ACCSL: variants seen among roughly 807,000 people sequenced by gnomAD.
ACCSL encodes 1-aminocyclopropane-1-carboxylate synthase homolog (inactive) like.
ACCSL carries 55 observed loss-of-function variants against 61.7 expected under a neutral mutation model. The ratio of observed to expected loss-of-function variants is 0.89; its 90% CI spans 0.72 to 1.12. The LOEUF (loss-of-function observed/expected upper bound fraction) is 1.12, where lower values mean the gene tolerates loss of function less well. ACCSL is among the 50% of genes most tolerant of loss of function. The probability of loss-of-function intolerance (pLI) is 0.00; values close to 1 mark genes in which losing one functional copy is unlikely to be tolerated. For synonymous variants in ACCSL, 258 were observed against 264.3 expected, an observed-to-expected ratio of 0.98 and a Z score of 0.23; for missense variants, 632 against 698.0, an observed-to-expected ratio of 0.91 and a Z score of 1.07.
chr11:44,058,773 C>G lies in ACCSL; in HGVS notation c.1624+74C>G, dbSNP rs533013372. 2.0e-5 allele frequency: 30 copies of G among 1,498,740 alleles called. No individual in the cohort carries two copies. The African/African-American group carries it at 2.4e-4, about 12-fold the overall frequency. 92.8% of individuals were successfully genotyped at this position (1,498,740 alleles called of 1,614,324 possible). On this transcript the variant is annotated intron_variant, in intron 13 of 13. Coordinates refer to ENST00000378832, the MANE Select transcript of ACCSL (RefSeq NM_001031854.2). Reference sequence around the variant, plus strand: ...ATATGTCAATCTTCTCCCCCACCCCCCTTAAACATCCTATAGATCTAGCCC... The same window carrying G: ...ATATGTCAATCTTCTCCCCCACCCCGCTTAAACATCCTATAGATCTAGCCC...
In ACCSL at chr11:44,059,965, G is replaced by C; in HGVS notation, c.*45G>C. On this transcript the variant is annotated 3_prime_UTR_variant, in exon 14 of 14. Transcript: ENST00000378832. Reference sequence around the variant, plus strand: ...GCAGTTCCAGCCCATCACTTGCTCAGGGACCCCCTAATGTCAGCCTCTGGC... The same window carrying C: ...GCAGTTCCAGCCCATCACTTGCTCACGGACCCCCTAATGTCAGCCTCTGGC... 1.3e-6 allele frequency: 2 copies of C among 1,575,090 alleles called. No individual in the cohort carries two copies. The highest frequency in any genetic ancestry group is 1.7e-6 in the Non-Finnish European group (2 of 1,146,342).
At chr11:43,965,398 G>T in the ACCSL span, among the ~76,000 whole-genome samples, 1 of 152,110 alleles carries the variant, frequency 6.6e-6, no homozygotes, top group African/African-American at 2.4e-5. Flanking sequence ...TAACCAAGGT[G>T]GTTGTAAGAC....
At chr11:44,008,300 C>T in the ACCSL span, among the ~76,000 whole-genome samples, 10 of 152,136 alleles carry the variant, frequency 6.6e-5, no homozygotes, top group South Asian at 2.1e-4. Context: ...CCCTGGGATG[C>T]GACCAAATTG....
Position 44,053,035 on chromosome 11 carries a change from G to A in ACCSL, c.915G>A (p.Lys305=), listed in dbSNP as rs763043741. 2.5e-6 allele frequency: 4 copies of A among 1,614,102 alleles called. No individual in the cohort carries two copies. The East Asian group carries it at 8.9e-5, about 36-fold the overall frequency. ...ATCCTTTCCAGCTCACTGTGGACAA[G>A]TTAGAGGAAGCCCTGCTTGAAGCTA... ...NTHPFQLTVD[K]LEEALLEARL... The change falls in exon 7 of 14, where the codon AAG becomes AAA. Residue 305 remains lysine, a synonymous_variant. Transcript: ENST00000378832.
chr11:44,051,553 C>T lies in ACCSL; in HGVS notation c.706-100C>T, dbSNP rs183055423. ...GGCCAATGTGTCCCAACTGAGGAGG[C>T]TCCCTGTGCCTGTTCTGCCCAGGGG... On this transcript the variant is annotated intron_variant, in intron 4 of 13. Transcript: ENST00000378832. The T allele has an allele frequency of 1.7e-3, 2,637 of 1,549,296 alleles. 26 individuals carry two copies. Among genetic ancestry groups the T allele is most frequent in the South Asian group, 0.016 (1,398 of 89,468 alleles).
chr11:43,957,632 C>T, the ACCSL span, among the ~76,000 whole-genome samples: 6 of 152,284 alleles, frequency 3.9e-5, no homozygotes, highest in South Asian at 1.2e-3. Context: ...CAAAATATGA[C>T]AAAGAACTAT....
the ACCSL span, among the ~76,000 whole-genome samples, chr11:43,964,640 G>T: frequency 3.3e-5 from 5 of 152,070 alleles, no homozygotes; most frequent in Non-Finnish European, 5.9e-5. Context: ...CAAAGCCAAA[G>T]ACACCAAAAG....
At chr11:44,024,551 A>T in the ACCSL span, among the ~76,000 whole-genome samples, 1 of 150,194 alleles carries the variant, frequency 6.7e-6, no homozygotes, top group East Asian at 2.0e-4. Context: ...ATTTCATTCA[A>T]TTGTGGTCAG....
chr11:44,012,380 G>GA, the ACCSL span, among the ~76,000 whole-genome samples: 2 of 151,758 alleles, frequency 1.3e-5, no homozygotes, highest in Non-Finnish European at 2.9e-5. Context: ...TCCGCCTCCC[G>GA]TGTTCAAGCA....
chr11:44,015,186 T>C, the ACCSL span, among the ~76,000 whole-genome samples: 1 of 152,232 alleles, frequency 6.6e-6, no homozygotes, highest in East Asian at 1.9e-4. Flanking sequence ...CCAAGTCCTT[T>C]GGCAGGCATG....
chr11:44,050,522 T>C (rs766042492), intron 2 of ACCSL, 30 bp from the exon 3 acceptor site: 2 of 1,610,294 alleles, frequency 1.2e-6, no homozygotes, highest in Non-Finnish European at 1.7e-6. Context: ...TTCCCTGGCC[T>C]ACCTGTCTTC....
chr11:44,001,718 C>G, the ACCSL span, among the ~76,000 whole-genome samples: 197 of 149,630 alleles, frequency 1.3e-3, 2 homozygotes, highest in African/African-American at 4.8e-3. Flanking sequence ...AGGAGGCCAG[C>G]CTTTGCCTGG....
chr11:44,050,506 T>C (rs908654307), intron 2 of ACCSL, 46 bp from the exon 3 acceptor site: 37 of 1,585,466 alleles, frequency 2.3e-5, no homozygotes, highest in Non-Finnish European at 2.8e-5. Context: ...ATGAGGCCTC[T>C]TGAACTTCCC....
At chr11:43,972,320 A>T in the ACCSL span, among the ~76,000 whole-genome samples, 2 of 152,204 alleles carry the variant, frequency 1.3e-5, no homozygotes, top group Admixed American at 1.3e-4. Context: ...CATGTCACCC[A>T]CTGCCCCTCA....
At chr11:43,930,637 G>A in the ACCSL span, among the ~76,000 whole-genome samples, 1 of 152,240 alleles carries the variant, frequency 6.6e-6, no homozygotes, top group East Asian at 1.9e-4. Context: ...GCAGATGCTA[G>A]TGCTGTGCTT....
At chr11:43,983,198 A>T in the ACCSL span, among the ~76,000 whole-genome samples, 2 of 152,206 alleles carry the variant, frequency 1.3e-5, no homozygotes, top group Non-Finnish European at 2.9e-5. Flanking sequence ...CTCTCAAGGA[A>T]CTTGAGAGAG....
the ACCSL span, among the ~76,000 whole-genome samples, chr11:43,947,810 A>T: frequency 3.9e-5 from 6 of 151,984 alleles, no homozygotes; most frequent in African/African-American, 1.4e-4. Context: ...GAAGGAGAAT[A>T]GGAAGAAGGG....
At chr11:43,983,773 G>T in the ACCSL span, among the ~76,000 whole-genome samples, 6 of 151,570 alleles carry the variant, frequency 4.0e-5, no homozygotes, top group Admixed American at 3.9e-4. Flanking sequence ...GGTGGTGGGG[G>T]TTATGTGACC....
chr11:43,969,186 C>CA, the ACCSL span, among the ~76,000 whole-genome samples: 1,745 of 151,778 alleles, frequency 0.011, 33 homozygotes, highest in African/African-American at 0.04. Flanking sequence ...CCATCTCTAC[C>CA]AAAAAAACAA....
Sources: allele counts gnomAD v4.1 joint callset (sites outside exome capture counted in the v4.1 genomes callset), GRCh38; gene constraint gnomAD v4.1.1; transcripts MANE v1.5; gene names NCBI Gene and HGNC (gene_info 2026-07-23, HGNC 2026-07-21).